The following CD5L variants were observed in gnomAD, a reference collection of about 807,000 sequenced individuals.
CD5L encodes the protein CD5 antigen-like.
A neutral mutation model predicts 40.8 loss-of-function variants in CD5L; 39 were observed. The observed-to-expected ratio is 0.96, with a 90% CI of 0.74 to 1.25. CD5L has a LOEUF of 1.25. CD5L is among the 50% of genes most tolerant of loss of function. The pLI is 0.00. For missense variants in CD5L, 433 were observed against 435.9 expected, an observed-to-expected ratio of 0.99 and a Z score of 0.06; for synonymous variants, 192 against 169.6, an observed-to-expected ratio of 1.13 and a Z score of -1.03.
intron 3 of CD5L, 136 bp downstream of exon 3, chr1:157,835,699 G>A: frequency 1.4e-6 from 1 of 698,490 alleles, no homozygotes; most frequent in Non-Finnish European, 2.4e-6. Flanking sequence ...CTGACAGTTG[G>A]GAAAGTATGA....
chr1:157,841,651 C>T, intron 1 of CD5L, 23 bp downstream of exon 1: 5 of 1,610,146 alleles, frequency 3.1e-6, no homozygotes, highest in Non-Finnish European at 4.2e-6. Context: ...GAAGCCTAAA[C>T]CAACAGGTGC....
chr1:157,839,318 G>A, intron 2 of CD5L, 66 bp downstream of exon 2: 1 of 1,489,566 alleles, frequency 6.7e-7, no homozygotes, highest in South Asian at 1.1e-5. Flanking sequence ...TGTGGCTCAA[G>A]AAGCTTCAAA....
Position 157,837,373 on chromosome 1 carries a change from G to C in CD5L, c.56-1218C>G, listed in dbSNP as rs546304804. Among the ~76,000 whole-genome samples, 194 of 67,940 alleles carry C rather than the reference G, an allele frequency of 2.9e-3. 2 individuals carry two copies. In the Middle Eastern group the frequency reaches 0.076, roughly 27 times the overall value. 44.6% of individuals were successfully genotyped at this position (67,940 alleles called of 152,430 possible). ...TGCGTACTACATTTCTGTTTTGTTT[G>C]TTTGTTAGTTAGTGAACTCAGAGAA... On this transcript the variant is annotated intron_variant, in intron 2 of 5. Transcript: ENST00000368174.
Position 157,831,949 on chromosome 1 carries a change from A to G in CD5L, c.*15T>C, listed in dbSNP as rs760229418. The G allele has an allele frequency of 2.5e-6, 4 of 1,588,382 alleles. No homozygotes were observed. Among genetic ancestry groups the G allele is most frequent in the Non-Finnish European group, 3.4e-6 (4 of 1,169,236 alleles). On this transcript the variant is annotated 3_prime_UTR_variant, in exon 6 of 6. Transcript: ENST00000368174. ...AGGCGGGGCCAGGGGGGCCAGGTCA[A>G]GCAACACCAGGATACTATCCTATAA...
At position 157,831,025 on chromosome 1, in the gene CD5L, T is replaced by C. The variant is rs186030807; in HGVS notation, c.*939A>G. ...AAAGTTGTCAATTTTTACAATCAAGTCTTGATTCTCTTATTTCTGTCTTGC... is the reference window on the plus strand; with the variant it reads ...AAAGTTGTCAATTTTTACAATCAAGCCTTGATTCTCTTATTTCTGTCTTGC... On this transcript the variant is annotated 3_prime_UTR_variant, in exon 6 of 6. Transcript: ENST00000368174. 3 of 984,764 alleles carry C rather than the reference T, an allele frequency of 3.0e-6. No homozygotes were observed. The highest frequency in any genetic ancestry group is 3.6e-6 in the Non-Finnish European group (3 of 829,366). The allele number at this position is 984,764 out of a possible 1,614,324, so 61.0% of individuals were successfully genotyped here.
At chr1:157,834,000 C>T (rs1656122656) in intron 4 of CD5L, among the ~76,000 whole-genome samples, 1 of 152,108 alleles carries the variant, frequency 6.6e-6, no homozygotes, top group Admixed American at 6.6e-5. Flanking sequence ...TTCTGTAGCT[C>T]TCCATCATGT....
chr1:157,839,721 A>G, intron 1 of CD5L, among the ~76,000 whole-genome samples: 1 of 152,188 alleles, frequency 6.6e-6, no homozygotes, highest in East Asian at 1.9e-4. Context: ...GCCTGAAGAA[A>G]AGTGTGGTGA....
chr1:157,832,062 G>C, intron 5 of CD5L, 94 bp from the exon 6 acceptor site: 1 of 1,001,640 alleles, frequency 1.0e-6, no homozygotes. Flanking sequence ...AGAAGACTGG[G>C]GCTCAACATA....
rs1451171683 is a variant in CD5L at position 157,834,478 on chromosome 1, T to G, written c.647A>C (p.Gln216Pro). The part of the protein sequence containing the change: ...MSCSGREATL[Q>P]DCPSGPWGKN... The stretch of plus-strand genomic sequence containing the variant: ...CCCCCAAGGCCCAGAAGGGCAATCC[T>G]GAAGGGTTGCTTCTCGTCCTGAGCA... The change falls in exon 4 of 6, where the codon CAG (glutamine) becomes CCG (proline). Residue 216 changes from glutamine to proline, a missense_variant. Physicochemically the swap from Gln to Pro is moderately conservative, Grantham distance 76 (BLOSUM62 -1). Transcript: ENST00000368174. 6.2e-7 allele frequency: 1 copy of G among 1,614,122 alleles called. No individual in the cohort carries two copies. The highest frequency in any genetic ancestry group is 8.5e-7 in the Non-Finnish European group (1 of 1,180,058).
At chr1:157,827,564 C>T (rs1386993203), downstream of CD5L, among the ~76,000 whole-genome samples, 1 of 152,136 alleles carries the variant, frequency 6.6e-6, no homozygotes, top group African/African-American at 2.4e-5. Flanking sequence ...AGTAAATGCT[C>T]CCTTCTTCTG....
At chr1:157,837,153 G>A (rs759331732) in intron 2 of CD5L, among the ~76,000 whole-genome samples, 3 of 152,020 alleles carry the variant, frequency 2.0e-5, no homozygotes, top group African/African-American at 4.8e-5. Context: ...CTCAGGATTT[G>A]GAGGTTGTAG....
intron 2 of CD5L, among the ~76,000 whole-genome samples, chr1:157,837,516 C>T (rs1389020495): frequency 2.6e-5 from 4 of 152,106 alleles, no homozygotes; most frequent in African/African-American, 4.8e-5. Flanking sequence ...TGGAGAGAGA[C>T]GGTTAGCTGA....
At chr1:157,837,871 G>T (rs1246586858) in intron 2 of CD5L, among the ~76,000 whole-genome samples, 3 of 150,196 alleles carry the variant, frequency 2.0e-5, no homozygotes, top group East Asian at 4.0e-4. Context: ...CGCCTCCTGG[G>T]TTCACACCAT....
intron 1 of CD5L, among the ~76,000 whole-genome samples, chr1:157,841,444 C>G (rs1656368677): frequency 6.6e-6 from 1 of 152,120 alleles, no homozygotes; most frequent in Admixed American, 6.6e-5. Flanking sequence ...TATCATGACT[C>G]TGTCATTACA....
In CD5L at chr1:157,831,938, G is replaced by C. The variant is rs774056402; in HGVS notation, c.*26C>G. ...AAGCAGAGGGCAGGCGGGGCCAGGG[G>C]GGCCAGGTCAAGCAACACCAGGATA... On this transcript the variant is annotated 3_prime_UTR_variant, in exon 6 of 6. Transcript: ENST00000368174. 1 of 1,574,392 alleles carries C rather than the reference G, an allele frequency of 6.4e-7. No individual in the cohort carries two copies. Among genetic ancestry groups the C allele is most frequent in the South Asian group, 1.2e-5 (1 of 83,472 alleles).
In CD5L at chr1:157,831,800, G is replaced by C; in HGVS notation, c.*164C>G. 7.5e-7 allele frequency: 1 copy of C among 1,336,646 alleles called. No homozygotes were observed. The allele number at this position is 1,336,646 out of a possible 1,614,324, so 82.8% of individuals were successfully genotyped here. A position where few individuals can be genotyped will look rare whatever the true frequency, so the allele number is the denominator to read the frequency against. On this transcript the variant is annotated 3_prime_UTR_variant, in exon 6 of 6. Coordinates refer to ENST00000368174, the MANE Select transcript of CD5L (RefSeq NM_005894.3). ...CTACAGGCAGCAATGGGGGCTGCTT[G>C]TCCCTGAGAGTAAGGCATAAGCCCA...
chr1:157,830,173 T>C (rs150823901), downstream of CD5L, among the ~76,000 whole-genome samples: 197 of 152,354 alleles, frequency 1.3e-3, no homozygotes, highest in African/African-American at 4.6e-3. Context: ...TAGCTCTTTC[T>C]GTAGGCAATT....
rs977085925 is a variant in CD5L at position 157,836,060 on chromosome 1, C to T, written c.151G>A (p.Asp51Asn). The change falls in exon 3 of 6, where the codon GAC (aspartate) becomes AAC (asparagine). Residue 51 changes from aspartate to asparagine, a missense_variant. Coordinates refer to ENST00000368174, the MANE Select transcript of CD5L (RefSeq NM_005894.3). ...GCCACGTCCTTAATGTCCCAGCCGTCATCACACACGGTGCCCCACTGGCCT... is the reference window on the plus strand; with the variant it reads ...GCCACGTCCTTAATGTCCCAGCCGTTATCACACACGGTGCCCCACTGGCCT... ...QKGQWGTVCD[D>N]GWDIKDVAVL... The T allele has an allele frequency of 9.3e-6, 15 of 1,614,092 alleles. No individual in the cohort carries two copies. Among genetic ancestry groups the T allele is most frequent in the Non-Finnish European group, 1.2e-5 (14 of 1,180,054 alleles).
chr1:157,839,506 G>A (rs1656308279), intron 1 of CD5L, 96 bp from the exon 2 acceptor site: 5 of 1,307,094 alleles, frequency 3.8e-6, no homozygotes, highest in South Asian at 1.3e-5. Context: ...TGTGAGACAA[G>A]AGTGGTAGAT....
Sources: allele counts gnomAD v4.1 joint callset (sites outside exome capture counted in the v4.1 genomes callset), GRCh38; gene constraint gnomAD v4.1.1; transcripts MANE v1.5; gene names NCBI Gene and HGNC (gene_info 2026-07-23, HGNC 2026-07-21).